Variants in RDH12 observed in about 807,000 individuals in gnomAD.
The protein encoded by RDH12 is all-trans and 9-cis retinol dehydrogenase.
A neutral mutation model predicts 34.0 loss-of-function variants in RDH12; 21 were observed. The observed-to-expected ratio is 0.62, with a 90% CI of 0.44 to 0.89. RDH12 has a LOEUF of 0.89. Among genes scored for constraint, RDH12 ranks in the 40% least tolerant of loss-of-function variants. RDH12 has a pLI of 0.00. For missense variants in RDH12, 394 were observed against 398.6 expected, an observed-to-expected ratio of 0.99 and a Z score of 0.10; for synonymous variants, 198 against 169.9, an observed-to-expected ratio of 1.17 and a Z score of -1.29.
At chr14:67,707,284 A>G (rs576101766) in intron 1 of RDH12, among the ~76,000 whole-genome samples, 24 of 152,362 alleles carry the variant, frequency 1.6e-4, no homozygotes, top group South Asian at 1.2e-3. Context: ...ACATTAGGCA[A>G]GACTAAAATC....
intron 8 of RDH12, among the ~76,000 whole-genome samples, chr14:67,730,069 G>A (rs2140152905): frequency 6.6e-6 from 1 of 152,318 alleles, no homozygotes; most frequent in South Asian, 2.1e-4. Context: ...AATAGCTAAT[G>A]TTGCTTGAGT....
chr14:67,733,638 C>T, intron 8 of RDH12, 108 bp from the exon 9 acceptor site: 1 of 739,512 alleles, frequency 1.4e-6, no homozygotes. Flanking sequence ...TTGAGTCTGG[C>T]ATATATTGTA....
intron 1 of RDH12, among the ~76,000 whole-genome samples, chr14:67,710,790 A>G (rs2140115481): frequency 6.6e-6 from 1 of 152,138 alleles, no homozygotes; most frequent in East Asian, 1.9e-4. Flanking sequence ...CCAAATAATG[A>G]AATATCTATT....
chr14:67,732,483 T>G (rs2038293381), intron 8 of RDH12, among the ~76,000 whole-genome samples: 1 of 145,232 alleles, frequency 6.9e-6, no homozygotes, highest in Admixed American at 7.1e-5. Flanking sequence ...CCCGGTTTTA[T>G]GTAAGAGAGA....
chr14:67,710,786 A>C (rs2038001320), intron 1 of RDH12, among the ~76,000 whole-genome samples: 1 of 151,988 alleles, frequency 6.6e-6, no homozygotes, highest in Non-Finnish European at 1.5e-5. Context: ...ATACCCAAAT[A>C]ATGAAATATC....
chr14:67,721,222 C>A (rs757627178), intron 2 of RDH12, among the ~76,000 whole-genome samples: 1 of 152,138 alleles, frequency 6.6e-6, no homozygotes, highest in Non-Finnish European at 1.5e-5. Flanking sequence ...TGTCCCAGCT[C>A]CTTGTCTATT....
chr14:67,705,637 A>G (rs1016506042), intron 1 of RDH12, among the ~76,000 whole-genome samples: 2 of 152,214 alleles, frequency 1.3e-5, no homozygotes, highest in Admixed American at 6.5e-5. Context: ...GTGGTGTTGT[A>G]CCAATGTTAA....
chr14:67,732,126 C>CA (rs71129854), intron 8 of RDH12, among the ~76,000 whole-genome samples: 882 of 76,432 alleles, frequency 0.012, 4 homozygotes, highest in East Asian at 0.023. Context: ...GACTCTGTCT[C>CA]AAAAAAAAAA....
chr14:67,726,044 C>T lies in RDH12; in HGVS notation c.344-7C>T, dbSNP rs369409245. 1.5e-4 allele frequency: 247 copies of T among 1,601,322 alleles called. No homozygotes were observed. The highest frequency in any genetic ancestry group is 2.0e-4 in the Non-Finnish European group (228 of 1,168,664). ...AACCATAGGATCTCTTTGGTTGTGCCCTATAGAGGAAAAGCAGCTCCATAT... is the reference window on the plus strand; with the variant it reads ...AACCATAGGATCTCTTTGGTTGTGCTCTATAGAGGAAAAGCAGCTCCATAT... On this transcript the variant is annotated splice_region_variant and splice_polypyrimidine_tract_variant and intron_variant, in intron 5 of 8. Transcript: ENST00000551171.
chr14:67,710,487 A>C (rs1161474392), intron 1 of RDH12, among the ~76,000 whole-genome samples: 6 of 152,180 alleles, frequency 3.9e-5, no homozygotes, highest in Non-Finnish European at 7.3e-5. Flanking sequence ...TTTGTCTTGA[A>C]CATCCCTCCT....
Position 67,724,460 on chromosome 14 carries a change from C to G in RDH12, c.69-13C>G. 6.4e-7 allele frequency: 1 copy of G among 1,552,662 alleles called. No homozygotes were observed. Among genetic ancestry groups the G allele is most frequent in the Non-Finnish European group, 8.8e-7 (1 of 1,136,070 alleles). On this transcript the variant is annotated splice_polypyrimidine_tract_variant and intron_variant, in intron 3 of 8. Coordinates refer to ENST00000551171, the MANE Select transcript of RDH12 (RefSeq NM_152443.3). ...AGGATGGTACGTGATGCTCTTGTTTCCCTTGCCGATAGGAAGTTCTTTGCT... is the reference window on the plus strand; with the variant it reads ...AGGATGGTACGTGATGCTCTTGTTTGCCTTGCCGATAGGAAGTTCTTTGCT...
Position 67,733,814 on chromosome 14 carries a change from T to G in RDH12, c.917T>G (p.Val306Gly), listed in dbSNP as rs1336164101. 1 of 1,613,388 alleles carries G rather than the reference T, an allele frequency of 6.2e-7. No homozygotes were observed. Among genetic ancestry groups the G allele is most frequent in the South Asian group, 1.1e-5 (1 of 91,058 alleles). ...AAAACAGCTGAGCGCCTATGGAATG[T>G]CAGCTGTGAGCTTCTAGGAATCCGG... Reference protein sequence around the residue: ...NNKTAERLWNVSCELLGIRWE With the variant: ...NNKTAERLWNGSCELLGIRWE Residue 306 changes from valine to glycine, a missense_variant, in exon 9 of 9, where the codon GTC (valine) becomes GGC (glycine). By Grantham distance (109) the Val-to-Gly change is moderately radical. Transcript: ENST00000551171.
intron 1 of RDH12, among the ~76,000 whole-genome samples, chr14:67,710,338 A>C (rs1175238949): frequency 6.6e-6 from 1 of 152,182 alleles, no homozygotes; most frequent in African/African-American, 2.4e-5. Flanking sequence ...AAAAAGTTTT[A>C]ATCTTTTTTT....
Position 67,724,466 on chromosome 14 carries a change from C to A in RDH12, c.69-7C>A. 3.1e-6 allele frequency: 5 copies of A among 1,592,332 alleles called. No homozygotes were observed. Among genetic ancestry groups the A allele is most frequent in the South Asian group, 1.1e-5 (1 of 90,502 alleles). ...GTACGTGATGCTCTTGTTTCCCTTG[C>A]CGATAGGAAGTTCTTTGCTGGTGGA... On this transcript the variant is annotated splice_region_variant and splice_polypyrimidine_tract_variant and intron_variant, in intron 3 of 8. Transcript: ENST00000551171.
At chr14:67,732,658 C>T (rs1025054567) in intron 8 of RDH12, among the ~76,000 whole-genome samples, 21 of 152,010 alleles carry the variant, frequency 1.4e-4, no homozygotes, top group African/African-American at 5.1e-4. Context: ...CTCACTGCAA[C>T]CTCTGCCTCC....
At chr14:67,722,093 T>C (rs531082062) in intron 2 of RDH12, among the ~76,000 whole-genome samples, 1 of 152,204 alleles carries the variant, frequency 6.6e-6, no homozygotes, top group Admixed American at 6.5e-5. Context: ...CTCCAGGAGT[T>C]CCAGTCATCT....
chr14:67,718,609 G>C (rs1275277024), intron 1 of RDH12, among the ~76,000 whole-genome samples: 1 of 152,228 alleles, frequency 6.6e-6, no homozygotes, highest in Admixed American at 6.5e-5. Context: ...CAAAGGTGTT[G>C]CAAGTGATGA....
chr14:67,725,325 C>A, intron 5 of RDH12, 71 bp downstream of exon 5: 1 of 1,489,234 alleles, frequency 6.7e-7, no homozygotes, highest in Non-Finnish European at 9.3e-7. Flanking sequence ...CCTAGACCAT[C>A]TATGGCCCTT....
chr14:67,726,349 C>A (rs925787256), intron 6 of RDH12, among the ~76,000 whole-genome samples, 194 bp downstream of exon 6: 4 of 152,188 alleles, frequency 2.6e-5, no homozygotes, highest in African/African-American at 4.8e-5. Flanking sequence ...CCTACCCATA[C>A]CATTAAGAAG....
Sources: gnomAD v4.1 joint callset for allele counts (sites outside exome capture counted in the v4.1 genomes callset) on GRCh38, gnomAD v4.1.1 for gene constraint, MANE v1.5 for transcripts, NCBI Gene and HGNC (gene_info 2026-07-23, HGNC 2026-07-21) for gene names.